DSCAM: variants seen among roughly 807,000 people sequenced by gnomAD.
DSCAM encodes DS cell adhesion molecule.
A neutral mutation model predicts 217.7 loss-of-function variants in DSCAM; 47 were observed. The observed-to-expected ratio is 0.22, with a 90% CI of 0.17 to 0.28. DSCAM has a LOEUF of 0.28. DSCAM is among the 10% of genes least tolerant of loss of function. The probability of loss-of-function intolerance (pLI) is 1.00; values close to 1 mark genes in which losing one functional copy is unlikely to be tolerated. For synonymous variants in DSCAM, 1,056 were observed against 1,015.3 expected (o/e 1.04, Z -0.76); for missense variants, 2,080 against 2,618.3 (o/e 0.79, Z 4.49).
chr21:40,532,930 G>A (rs73214131), intron 3 of DSCAM, among the ~76,000 whole-genome samples: 43,339 of 151,008 alleles, frequency 0.29, 8,178 homozygotes, highest in African/African-American at 0.52. Context: ...GCGCATGTGC[G>A]CATATGTGCT....
In DSCAM at chr21:40,475,907, T is replaced by C. The variant is rs531502398; in HGVS notation, c.509-106662A>G. On this transcript the variant is annotated intron_variant, in intron 3 of 32. Transcript: ENST00000400454. Reference sequence around the variant, plus strand: ...CATTTGAGTAGTTTCAAGTTTCTTTTGTGTGTAAGTTGGTATTTCATTCCA... The same window carrying C: ...CATTTGAGTAGTTTCAAGTTTCTTTCGTGTGTAAGTTGGTATTTCATTCCA... Among the ~76,000 whole-genome samples, 6 of 152,286 alleles carry C rather than the reference T, an allele frequency of 3.9e-5. No individual in the cohort carries two copies. In the East Asian group the frequency reaches 1.2e-3, roughly 29 times the overall value.
intron 14 of DSCAM, among the ~76,000 whole-genome samples, chr21:40,180,965 C>T (rs773903475): frequency 6.6e-6 from 1 of 152,114 alleles, no homozygotes; most frequent in Non-Finnish European, 1.5e-5. Flanking sequence ...CCTTGTTCAA[C>T]AGTCTCCCAG....
chr21:40,768,493 T>G (rs2091415918), intron 1 of DSCAM, among the ~76,000 whole-genome samples: 1 of 152,152 alleles, frequency 6.6e-6, no homozygotes, highest in African/African-American at 2.4e-5. Context: ...TTCTTCTCTA[T>G]CCCTCCCAGT....
At position 40,416,680 on chromosome 21, in the gene DSCAM, T is replaced by C. The variant is rs964140730; in HGVS notation, c.509-47435A>G. Among the ~76,000 whole-genome samples the C allele has an allele frequency of 2.6e-4, 39 of 152,264 alleles. 1 individual carries two copies. In the South Asian group the frequency reaches 2.7e-3, roughly 11 times the overall value. ...TTGATATAAACTTCAATTGAGTTGATAGAATTATTAAACTAAAAGAAAATA... is the reference window on the plus strand; with the variant it reads ...TTGATATAAACTTCAATTGAGTTGACAGAATTATTAAACTAAAAGAAAATA... On this transcript the variant is annotated intron_variant, in intron 3 of 32. Coordinates refer to ENST00000400454, the MANE Select transcript of DSCAM (RefSeq NM_001389.5).
At chr21:40,590,427 T>C (rs1003281913) in intron 3 of DSCAM, among the ~76,000 whole-genome samples, 3 of 152,180 alleles carry the variant, frequency 2.0e-5, no homozygotes, top group African/African-American at 7.2e-5. Context: ...TCTCCACCAC[T>C]CTGCTCCCAG....
At chr21:40,503,145 T>C (rs575354134) in intron 3 of DSCAM, among the ~76,000 whole-genome samples, 1 of 152,350 alleles carries the variant, frequency 6.6e-6, no homozygotes, top group East Asian at 1.9e-4. Flanking sequence ...ATGCTACTTT[T>C]ACAGAAGAAG....
At chr21:40,020,011 A>G (rs1430847743) in intron 32 of DSCAM, among the ~76,000 whole-genome samples, 1 of 150,898 alleles carries the variant, frequency 6.6e-6, no homozygotes, top group Admixed American at 6.6e-5. Context: ...TCCTTCTAAT[A>G]TAGTTTGGCT....
intron 8 of DSCAM, among the ~76,000 whole-genome samples, chr21:40,329,972 C>T (rs1468503114): frequency 2.6e-5 from 4 of 151,760 alleles, no homozygotes; most frequent in Non-Finnish European, 1.5e-5. Flanking sequence ...GTGACTGTAG[C>T]TAATAATTTA....
intron 3 of DSCAM, among the ~76,000 whole-genome samples, chr21:40,390,996 T>C (rs2075128962): frequency 6.6e-6 from 1 of 152,178 alleles, no homozygotes; most frequent in Non-Finnish European, 1.5e-5. Flanking sequence ...GAAAACTGTA[T>C]CTATGGTTCT....
chr21:40,133,141 G>A (rs559309576), intron 19 of DSCAM, among the ~76,000 whole-genome samples: 20 of 152,288 alleles, frequency 1.3e-4, no homozygotes, highest in African/African-American at 4.1e-4. Context: ...TCACTACCAC[G>A]GTAGTATTTA....
rs73902631 is a variant in DSCAM, at chr21:40,454,884, C to T, written c.509-85639G>A. ...CAGGGCCAGATAAATTCTATCTCGA[C>T]GTCCACAAGAATGGGTGAGGCAGAG... On this transcript the variant is annotated intron_variant, in intron 3 of 32. Transcript: ENST00000400454. Among the ~76,000 whole-genome samples, 206 of 152,274 alleles carry T rather than the reference C, an allele frequency of 1.4e-3. 2 individuals are homozygous for T. The highest frequency in any genetic ancestry group is 4.2e-3 in the African/African-American group (176 of 41,556).
chr21:40,380,943 G>A (rs1299413170), intron 3 of DSCAM, among the ~76,000 whole-genome samples: 1 of 151,222 alleles, frequency 6.6e-6, no homozygotes, highest in Non-Finnish European at 1.5e-5. Flanking sequence ...GGCGCCTGTA[G>A]TCCCAGCTGC....
chr21:40,664,025 A>T (rs1449352341), intron 3 of DSCAM, among the ~76,000 whole-genome samples: 1 of 152,248 alleles, frequency 6.6e-6, no homozygotes, highest in African/African-American at 2.4e-5. Flanking sequence ...GTTTTCAGAT[A>T]TCAGTCTGCT....
intron 1 of DSCAM, among the ~76,000 whole-genome samples, chr21:40,819,006 C>G (rs1234145569): frequency 1.3e-5 from 2 of 152,172 alleles, no homozygotes; most frequent in Non-Finnish European, 2.9e-5. Flanking sequence ...GTCTAATAAG[C>G]CCTACACGGA....
At chr21:40,109,615 G>A (rs186179458) in intron 20 of DSCAM, among the ~76,000 whole-genome samples, 33 of 152,358 alleles carry the variant, frequency 2.2e-4, no homozygotes, top group Middle Eastern at 3.4e-3. Context: ...AAAGCAGGGC[G>A]AGGCATCGCC....
At chr21:40,831,460 C>T (rs1259909957) in intron 1 of DSCAM, among the ~76,000 whole-genome samples, 6 of 152,214 alleles carry the variant, frequency 3.9e-5, no homozygotes, top group South Asian at 2.1e-4. Flanking sequence ...CAATAAGATT[C>T]AGACGCTTAC....
chr21:40,329,431 T>C (rs1428194215), intron 8 of DSCAM, among the ~76,000 whole-genome samples: 1 of 152,002 alleles, frequency 6.6e-6, no homozygotes, highest in African/African-American at 2.4e-5. Context: ...CTGGTCAATA[T>C]GGCGAAGGCT....
intron 2 of DSCAM, among the ~76,000 whole-genome samples, chr21:40,695,982 G>A (rs1310522053): frequency 1.3e-5 from 2 of 152,106 alleles, no homozygotes; most frequent in African/African-American, 4.8e-5. Flanking sequence ...CCCATAGTCA[G>A]CCCCGAAGAC....
intron 11 of DSCAM, among the ~76,000 whole-genome samples, chr21:40,225,444 A>G (rs1384605425): frequency 6.6e-6 from 1 of 152,048 alleles, no homozygotes; most frequent in African/African-American, 2.4e-5. Context: ...AATACTCTAC[A>G]ATTTGTAATT....
Sources: allele counts gnomAD v4.1 joint callset (sites outside exome capture counted in the v4.1 genomes callset), GRCh38; gene constraint gnomAD v4.1.1; transcripts MANE v1.5; gene names NCBI Gene and HGNC (gene_info 2026-07-23, HGNC 2026-07-21).